Variants in AMER1 observed in about 807,000 individuals in gnomAD.
AMER1 encodes the protein APC membrane recruitment protein 1, also known as RP11-403E24.2.
Under a neutral mutation model 53.0 loss-of-function variants are expected in AMER1, and 16 were observed. The observed-to-expected ratio is 0.30, with a 90% CI of 0.20 to 0.46. The LOEUF (loss-of-function observed/expected upper bound fraction) is 0.46. Among genes scored for constraint, AMER1 ranks in the 20% least tolerant of loss-of-function variants. The probability of loss-of-function intolerance (pLI) is 1.00; values close to 1 mark genes in which losing one functional copy is unlikely to be tolerated. For synonymous variants in AMER1, 354 were observed against 331.9 expected (o/e 1.07, Z -0.73); for missense variants, 947 against 884.9 (o/e 1.07, Z -0.89).
chrX:64,204,183 G>A (rs1377469201), intron 1 of AMER1, among the ~76,000 whole-genome samples: 1 of 113,328 alleles, frequency 8.8e-6, no homozygotes, highest in Non-Finnish European at 1.9e-5. Context: ...GAGCCACACT[G>A]GGGGAGGGGG....
In AMER1 at chrX:64,190,606, C is replaced by A. The variant is rs779325879; in HGVS notation, c.2681G>T (p.Arg894Leu). 3.3e-6 allele frequency: 4 copies of A among 1,210,378 alleles called. No homozygotes were observed. Among genetic ancestry groups the A allele is most frequent in the Admixed American group, 2.2e-5 (1 of 45,862 alleles). The change falls in exon 2 of 2, where the codon CGC becomes CTC. Residue 894 changes from arginine to leucine, a missense_variant. Coordinates refer to ENST00000374869, the MANE Select transcript of AMER1 (RefSeq NM_152424.4). ...PAAMALNRRS[R>L]SLDTAETLEM... is the part of the protein sequence containing the mutation. ...CAGGGTCTCTGCAGTGTCGAGAGAG[C>A]GGCTTCTCCTGTTGAGGGCCATAGC...
chrX:64,192,021 G>C lies in AMER1; in HGVS notation c.1266C>G (p.Asn422Lys), dbSNP rs2147088720. Residue 422 changes from asparagine to lysine, a missense_variant, in exon 2 of 2, where the codon AAC becomes AAG. Coordinates refer to ENST00000374869, the MANE Select transcript of AMER1 (RefSeq NM_152424.4). ...GGGATGTGGTGGGATGGTAGCCCAG[G>C]TTCATATTGGGCCGTGGATACATTT... is the stretch of plus-strand genomic sequence containing the variant. The part of the protein sequence containing the change: ...TAQMYPRPNM[N>K]LGYHPTTSPG... 1.7e-6 allele frequency: 2 copies of C among 1,211,938 alleles called. No homozygotes were observed. The highest frequency in any genetic ancestry group is 1.1e-6 in the Non-Finnish European group (1 of 895,582).
rs1930100333 is a variant in AMER1 at position 64,186,080 on chromosome X, G to T, written c.*3799C>A. 2.6e-6 allele frequency: 3 copies of T among 1,167,598 alleles called. No homozygotes were observed. The highest frequency in any genetic ancestry group is 1.8e-5 in the African/African-American group (1 of 56,888). ...ATGGGGAAGAAGGGTTCAAAAGAAA[G>T]AAAAACATAAAATAAAGCCAGAAAA... On this transcript the variant is annotated 3_prime_UTR_variant, in exon 2 of 2. Transcript: ENST00000374869.
At position 64,192,394 on chromosome X, in the gene AMER1, A is replaced by T. The variant is rs2147089513; in HGVS notation, c.893T>A (p.Val298Glu). The T allele has an allele frequency of 8.3e-7, 1 of 1,211,592 alleles. No individual in the cohort carries two copies. Among genetic ancestry groups the T allele is most frequent in the South Asian group, 1.8e-5 (1 of 56,913 alleles). The change falls in exon 2 of 2, where the codon GTA becomes GAA. Residue 298 changes from valine (V) to glutamate (E), a missense_variant. Transcript: ENST00000374869. The stretch of plus-strand genomic sequence containing the variant: ...CCCCACAGGGCCATTGGGTGGGTTT[A>T]CCTCTCCTGCTACTACCTTCTCCCC... ...ETGEKVVAGE[V>E]NPPNGPVGDP...
At position 64,187,725 on chromosome X, in the gene AMER1, T is replaced by C; in HGVS notation, c.*2154A>G. On this transcript the variant is annotated 3_prime_UTR_variant, in exon 2 of 2. Coordinates refer to ENST00000374869, the MANE Select transcript of AMER1 (RefSeq NM_152424.4). ...AGGCATTTGGTGAGTGTTTACTTCC[T>C]GCCAAATAGCCAGGCCAATTTCAGC... 1 of 775,221 alleles carries C rather than the reference T, an allele frequency of 1.3e-6. No homozygotes were observed. Among genetic ancestry groups the C allele is most frequent in the Admixed American group, 8.2e-5 (1 of 12,127 alleles). 63.9% of individuals were successfully genotyped at this position (775,221 alleles called of 1,213,427 possible).
intron 1 of AMER1, among the ~76,000 whole-genome samples, chrX:64,195,470 A>C (rs1930345879): frequency 8.9e-6 from 1 of 112,187 alleles, no homozygotes; most frequent in Non-Finnish European, 1.9e-5. Context: ...TCCTATATGT[A>C]ACAGTCTGTT....
Position 64,187,438 on chromosome X carries a change from A to G in AMER1, c.*2441T>C. 1 of 791,983 alleles carries G rather than the reference A, an allele frequency of 1.3e-6. No individual in the cohort carries two copies. The highest frequency in any genetic ancestry group is 1.5e-6 in the Non-Finnish European group (1 of 661,958). 65.3% of individuals were successfully genotyped at this position (791,983 alleles called of 1,213,427 possible). Reference sequence around the variant, plus strand: ...GGTGTGTGACCTTCCAAAGCCCAACAAAGTGTGTCAGGGCTATGCCAGTGC... The same window carrying G: ...GGTGTGTGACCTTCCAAAGCCCAACGAAGTGTGTCAGGGCTATGCCAGTGC... On this transcript the variant is annotated 3_prime_UTR_variant, in exon 2 of 2. Transcript: ENST00000374869.
intron 1 of AMER1, among the ~76,000 whole-genome samples, chrX:64,203,861 G>A (rs1043333355): frequency 9.0e-6 from 1 of 111,593 alleles, no homozygotes; most frequent in African/African-American, 3.3e-5. Flanking sequence ...TTGTGTTGGG[G>A]CCTAATCAAG....
chrX:64,200,484 C>G (rs884562), intron 1 of AMER1, among the ~76,000 whole-genome samples: 27,717 of 111,640 alleles, frequency 0.25, 7,605 homozygotes, highest in African/African-American at 0.82. Context: ...AATTGAATTG[C>G]GGACCAGGAG....
chrX:64,197,259 ACTGCCTGC>A (rs1013481069), intron 1 of AMER1, among the ~76,000 whole-genome samples: 3 of 113,030 alleles, frequency 2.7e-5, no homozygotes, highest in African/African-American at 9.6e-5. Flanking sequence ...CCTTGCAGGG[ACTGCCTGC>A]TGCAGCAGCT....
rs1253931697 is a variant in AMER1, at chrX:64,187,470, G to C, written c.*2409C>G. The C allele has an allele frequency of 1.3e-6, 1 of 787,477 alleles. No homozygotes were observed. Among genetic ancestry groups the C allele is most frequent in the East Asian group, 8.1e-5 (1 of 12,395 alleles). 64.9% of individuals were successfully genotyped at this position (787,477 alleles called of 1,213,427 possible). On this transcript the variant is annotated 3_prime_UTR_variant, in exon 2 of 2. Coordinates refer to ENST00000374869, the MANE Select transcript of AMER1 (RefSeq NM_152424.4). ...GTCAGGGCTATGCCAGTGCCCCTCAGAGACAATGCCTCATGCTGCCTTCCT... is the reference window on the plus strand; with the variant it reads ...GTCAGGGCTATGCCAGTGCCCCTCACAGACAATGCCTCATGCTGCCTTCCT...
At chrX:64,194,729 C>G (rs1324298346) in intron 1 of AMER1, among the ~76,000 whole-genome samples, 1 of 111,561 alleles carries the variant, frequency 9.0e-6, no homozygotes, top group Admixed American at 9.5e-5. Flanking sequence ...TACACCAGGC[C>G]TGTGATTGCT....
chrX:64,192,193 T>C lies in AMER1; in HGVS notation c.1094A>G (p.Tyr365Cys), dbSNP rs1286062627. Residue 365 changes from tyrosine (Y) to cysteine (C), a missense_variant, in exon 2 of 2, where the codon TAC (tyrosine) becomes TGC (cysteine). Physicochemically the swap from Tyr to Cys is radical, Grantham distance 194. Transcript: ENST00000374869. ...GGCCATCTCCTCCCCACCTCCTTGG[T>C]AGGTCACCAGGCAGGAACTTCGCTT... is the stretch of plus-strand genomic sequence containing the variant. ...GTKRSSCLVTYQGGGEEMALP... is the reference protein window; with the variant it reads ...GTKRSSCLVTCQGGGEEMALP... 4 of 1,211,908 alleles carry C rather than the reference T, an allele frequency of 3.3e-6. No individual in the cohort carries two copies. Among genetic ancestry groups the C allele is most frequent in the Non-Finnish European group, 1.1e-6 (1 of 895,513 alleles).
chrX:64,203,060 C>T (rs1196280319), intron 1 of AMER1, among the ~76,000 whole-genome samples: 1 of 111,837 alleles, frequency 8.9e-6, no homozygotes, highest in Non-Finnish European at 1.9e-5. Flanking sequence ...TACTAAACCC[C>T]TCTACTTTCT....
At position 64,186,698 on chromosome X, in the gene AMER1, G is replaced by A. The variant is rs5918861; in HGVS notation, c.*3181C>T. On this transcript the variant is annotated 3_prime_UTR_variant, in exon 2 of 2. Transcript: ENST00000374869. Reference sequence around the variant, plus strand: ...CTGGTGTTTACTGAACCCATTATCCGGGCAGTCTTGTGGCCTGGTACCCAA... The same window carrying A: ...CTGGTGTTTACTGAACCCATTATCCAGGCAGTCTTGTGGCCTGGTACCCAA... The A allele has an allele frequency of 1.0e-4, 79 of 773,519 alleles. No individual in the cohort carries two copies. The highest frequency in any genetic ancestry group is 1.8e-4 in the African/African-American group (8 of 43,893). 63.7% of individuals were successfully genotyped at this position (773,519 alleles called of 1,213,427 possible). A position where few individuals can be genotyped will look rare whatever the true frequency, so the allele number is the denominator to read the frequency against.
At chrX:64,195,684 C>G (rs747467354) in intron 1 of AMER1, among the ~76,000 whole-genome samples, 25 of 112,302 alleles carry the variant, frequency 2.2e-4, no homozygotes, top group Non-Finnish European at 4.3e-4. Flanking sequence ...AGATGGAACA[C>G]TTTTATCCCA....
chrX:64,204,375 G>A (rs1182305029), intron 1 of AMER1, among the ~76,000 whole-genome samples: 1 of 114,049 alleles, frequency 8.8e-6, no homozygotes, highest in Non-Finnish European at 1.9e-5. Context: ...GACCAGCTCT[G>A]CGGGGCCAGT....
At chrX:64,196,695 G>A (rs1268396757) in intron 1 of AMER1, among the ~76,000 whole-genome samples, 3 of 111,994 alleles carry the variant, frequency 2.7e-5, no homozygotes, top group Non-Finnish European at 5.6e-5. Context: ...ATTACGCAGG[G>A]TGTCCCTGGG....
chrX:64,186,044 A>C lies in AMER1; in HGVS notation c.*3835T>G. On this transcript the variant is annotated 3_prime_UTR_variant, in exon 2 of 2. Transcript: ENST00000374869. ...AAATAAGACACATGAGTACTCTCAG[A>C]GGGTCTAGACATGGGGAAGAAGGGT... is the stretch of plus-strand genomic sequence containing the variant. The C allele has an allele frequency of 2.0e-6, 2 of 979,365 alleles. No individual in the cohort carries two copies. Among genetic ancestry groups the C allele is most frequent in the Non-Finnish European group, 1.4e-6 (1 of 695,233 alleles). 80.7% of individuals were successfully genotyped at this position (979,365 alleles called of 1,213,427 possible).
Sources: allele counts gnomAD v4.1 joint callset (sites outside exome capture counted in the v4.1 genomes callset), GRCh38; gene constraint gnomAD v4.1.1; transcripts MANE v1.5; gene names NCBI Gene and HGNC (gene_info 2026-07-23, HGNC 2026-07-21).